Variants in RBMS1 observed in about 807,000 individuals in gnomAD.
The protein encoded by RBMS1 is RNA-binding motif, single-stranded-interacting protein 1.
Under a neutral mutation model 62.3 loss-of-function variants are expected in RBMS1, and 17 were observed. The ratio of observed to expected loss-of-function variants is 0.27; its 90% CI spans 0.19 to 0.41. The LOEUF (loss-of-function observed/expected upper bound fraction) is 0.41, where lower values mean the gene tolerates loss of function less well. Ranked by LOEUF, RBMS1 falls within the 10% of genes least tolerant of loss-of-function variation. The pLI, the probability that RBMS1 is intolerant of heterozygous loss-of-function variation, is 1.00. For synonymous variants in RBMS1, 172 were observed against 170.0 expected (o/e 1.01, Z -0.09); for missense variants, 334 against 504.5 (o/e 0.66, Z 3.24).
At chr2:160,388,519 C>T (rs906021600) in intron 1 of RBMS1, among the ~76,000 whole-genome samples, 1 of 152,154 alleles carries the variant, frequency 6.6e-6, no homozygotes, top group Non-Finnish European at 1.5e-5. Context: ...CACAGCTAAT[C>T]GGAATCTTCT....
At chr2:160,368,311 A>T (rs1693523261) in intron 1 of RBMS1, among the ~76,000 whole-genome samples, 1 of 152,194 alleles carries the variant, frequency 6.6e-6, no homozygotes, top group Non-Finnish European at 1.5e-5. Context: ...ACATTTTCTA[A>T]ATCATAAATA....
chr2:160,322,732 G>C (rs1356063797), intron 2 of RBMS1, among the ~76,000 whole-genome samples: 1 of 152,194 alleles, frequency 6.6e-6, no homozygotes, highest in East Asian at 1.9e-4. Context: ...CAGCACAAGA[G>C]GCTCCCATTA....
At chr2:160,467,404 A>T (rs1255275462) in intron 1 of RBMS1, among the ~76,000 whole-genome samples, 1 of 152,196 alleles carries the variant, frequency 6.6e-6, no homozygotes, top group African/African-American at 2.4e-5. Flanking sequence ...TGCCATCTCT[A>T]AGTGAACCTT....
intron 2 of RBMS1, among the ~76,000 whole-genome samples, chr2:160,326,355 C>T (rs1573865707): frequency 2.0e-5 from 3 of 151,978 alleles, no homozygotes; most frequent in South Asian, 2.1e-4. Context: ...TAAAAAATAA[C>T]TAAAAATATG....
At chr2:160,275,790 T>G in intron 12 of RBMS1, 76 bp from the exon 13 acceptor site, 1 of 1,594,920 alleles carries the variant, frequency 6.3e-7, no homozygotes, top group Non-Finnish European at 8.6e-7. Context: ...CCTGACTGAA[T>G]CCAACAGTGC....
intron 1 of RBMS1, among the ~76,000 whole-genome samples, chr2:160,423,123 G>T (rs1187110823): frequency 1.3e-5 from 2 of 151,976 alleles, no homozygotes; most frequent in Admixed American, 1.3e-4. Context: ...CCTTGATTTC[G>T]AATGAACTTC....
At chr2:160,308,225 C>T (rs1322895247) in intron 4 of RBMS1, among the ~76,000 whole-genome samples, 1 of 151,910 alleles carries the variant, frequency 6.6e-6, no homozygotes, top group East Asian at 1.9e-4. Context: ...GAAACCTGGT[C>T]TCTGCAAAAA....
At chr2:160,376,625 T>G (rs1347271255) in intron 1 of RBMS1, among the ~76,000 whole-genome samples, 1 of 152,012 alleles carries the variant, frequency 6.6e-6, no homozygotes, top group Non-Finnish European at 1.5e-5. Context: ...TTTTTTTATT[T>G]TTTAATTTAT....
chr2:160,386,641 G>A (rs1694594011), intron 1 of RBMS1, among the ~76,000 whole-genome samples: 1 of 151,678 alleles, frequency 6.6e-6, no homozygotes, highest in Non-Finnish European at 1.5e-5. Context: ...ATACCCCAGA[G>A]AACCCTATGG....
chr2:160,319,478 C>T (rs1430111932), intron 2 of RBMS1, among the ~76,000 whole-genome samples: 1 of 152,176 alleles, frequency 6.6e-6, no homozygotes, highest in Non-Finnish European at 1.5e-5. Context: ...CACCACTGCA[C>T]TCCACCCTGG....
At position 160,326,335 on chromosome 2, in the gene RBMS1, C is replaced by T. The variant is rs537897094; in HGVS notation, c.252-8108G>A. Among the ~76,000 whole-genome samples, 39 of 152,228 alleles carry T rather than the reference C, an allele frequency of 2.6e-4. 1 individual carries two copies. The Middle Eastern group carries it at 0.01, about 40-fold the overall frequency. Reference sequence around the variant, plus strand: ...ACAGTCCTTTGGGGTATGTAAAAAACTTTTAATACTAAAAAATAACTAAAA... The same window carrying T: ...ACAGTCCTTTGGGGTATGTAAAAAATTTTTAATACTAAAAAATAACTAAAA... On this transcript the variant is annotated intron_variant, in intron 2 of 13. Transcript: ENST00000348849.
rs990486482 is a variant in RBMS1, at chr2:160,410,565, C to T, written c.76-43174G>A. ...CATACACACTCAATTATAGATTATT[C>T]ATAAGTGCTTAGTTGTAAGAGTGAT... On this transcript the variant is annotated intron_variant, in intron 1 of 13. Transcript: ENST00000348849. 7.9e-5 allele frequency among the ~76,000 whole-genome samples: 12 copies of T among 152,174 alleles called. 1 individual carries two copies. The highest frequency in any genetic ancestry group is 5.9e-4 in the Admixed American group (9 of 15,284).
chr2:160,429,048 A>G (rs923790687), intron 1 of RBMS1, among the ~76,000 whole-genome samples: 1 of 152,234 alleles, frequency 6.6e-6, no homozygotes, highest in Non-Finnish European at 1.5e-5. Context: ...GATTGTTTCA[A>G]TTAAATACAT....
chr2:160,436,677 AG>A (rs138389704), intron 1 of RBMS1, among the ~76,000 whole-genome samples: 11,184 of 152,298 alleles, frequency 0.073, 559 homozygotes, highest in South Asian at 0.18. Flanking sequence ...TCTTAATACA[AG>A]AACTAACTTT....
At chr2:160,362,540 A>G (rs1693184020) in intron 2 of RBMS1, among the ~76,000 whole-genome samples, 1 of 152,210 alleles carries the variant, frequency 6.6e-6, no homozygotes, top group South Asian at 2.1e-4. Context: ...AGCAGTCAGA[A>G]CACACATAAC....
chr2:160,428,845 C>T (rs942913758), intron 1 of RBMS1, among the ~76,000 whole-genome samples: 1 of 152,136 alleles, frequency 6.6e-6, no homozygotes, highest in Non-Finnish European at 1.5e-5. Context: ...TTTCTATTCC[C>T]GCCCTTTGAC....
At chr2:160,411,263 C>T (rs1444746066) in intron 1 of RBMS1, among the ~76,000 whole-genome samples, 2 of 152,156 alleles carry the variant, frequency 1.3e-5, no homozygotes, top group African/African-American at 4.8e-5. Flanking sequence ...AATGGCTGAA[C>T]CAGTTACTAA....
At chr2:160,374,944 TG>T (rs929950416) in intron 1 of RBMS1, among the ~76,000 whole-genome samples, 59 of 145,790 alleles carry the variant, frequency 4.0e-4, no homozygotes, top group Admixed American at 3.7e-3. Flanking sequence ...CGGGGGACGG[TG>T]GGGGGGAGGA....
chr2:160,403,414 A>G (rs772694100), intron 1 of RBMS1, among the ~76,000 whole-genome samples: 9 of 152,202 alleles, frequency 5.9e-5, no homozygotes, highest in Non-Finnish European at 1.2e-4. Flanking sequence ...CCAATCTACT[A>G]AACACAAATT....
Sources: allele counts gnomAD v4.1 joint callset (sites outside exome capture counted in the v4.1 genomes callset), GRCh38; gene constraint gnomAD v4.1.1; transcripts MANE v1.5; gene names NCBI Gene and HGNC (gene_info 2026-07-23, HGNC 2026-07-21).